Variants in SCMH1 observed in about 807,000 individuals in gnomAD.
SCMH1 encodes Scm polycomb group protein homolog 1, also known as polycomb protein SCMH1.
Under a neutral mutation model 70.8 loss-of-function variants are expected in SCMH1, and 37 were observed. That is an observed-to-expected ratio of 0.52 (90% CI 0.40 to 0.69). SCMH1 has a LOEUF of 0.69. Among genes scored for constraint, SCMH1 ranks in the 30% least tolerant of loss-of-function variants. SCMH1 has a pLI of 0.00. For synonymous variants in SCMH1, 292 were observed against 307.4 expected, an observed-to-expected ratio of 0.95 and a Z score of 0.52; for missense variants, 607 against 827.3, an observed-to-expected ratio of 0.73 and a Z score of 3.27.
chr1:41,091,622 A>G (rs1663541895), intron 8 of SCMH1, among the ~76,000 whole-genome samples: 1 of 152,222 alleles, frequency 6.6e-6, no homozygotes, highest in African/African-American at 2.4e-5. Context: ...ACATGATTGT[A>G]TATTTAGAAA....
intron 1 of SCMH1, among the ~76,000 whole-genome samples, chr1:41,193,291 C>A (rs1652178031): frequency 6.6e-6 from 1 of 152,178 alleles, no homozygotes; most frequent in Non-Finnish European, 1.5e-5. Context: ...TTATTTTATT[C>A]ATTAAACAAA....
chr1:41,028,614 A>G, exon 14 of SCMH1: 2 of 1,614,182 alleles, frequency 1.2e-6, no homozygotes, highest in South Asian at 1.1e-5. Context: ...CGTGGGGTCC[A>G]AGCTGAGGAT....
intron 6 of SCMH1, among the ~76,000 whole-genome samples, chr1:41,125,529 T>C (rs1419816901): frequency 6.6e-6 from 1 of 151,814 alleles, no homozygotes; most frequent in African/African-American, 2.4e-5. Context: ...ATTCCTTCTA[T>C]ATTTATTGGC....
intron 8 of SCMH1, chr1:41,099,217 A>C (rs577255842): frequency 6.3e-6 from 1 of 159,864 alleles, no homozygotes; most frequent in Non-Finnish European, 1.4e-5. Flanking sequence ...GAATAAAATC[A>C]AATCAGCAAC....
At chr1:41,106,118 G>T (rs1740613) in intron 8 of SCMH1, among the ~76,000 whole-genome samples, 1 of 151,714 alleles carries the variant, frequency 6.6e-6, no homozygotes, top group South Asian at 2.1e-4. Flanking sequence ...CAGGTGATCT[G>T]CCCGCCTCGG....
At chr1:41,142,129 A>C (rs553654269) in intron 6 of SCMH1, among the ~76,000 whole-genome samples, 3 of 152,250 alleles carry the variant, frequency 2.0e-5, no homozygotes, top group South Asian at 4.1e-4. Flanking sequence ...TTACATTACA[A>C]ATTTTTTTTT....
chr1:41,164,328 TACC>T (rs1221686574), intron 2 of SCMH1, among the ~76,000 whole-genome samples: 3 of 152,210 alleles, frequency 2.0e-5, no homozygotes, highest in East Asian at 3.9e-4. Context: ...CCAGAAATCA[TACC>T]ACATTTCTAC....
At chr1:41,175,020 C>T (rs148463290) in intron 2 of SCMH1, among the ~76,000 whole-genome samples, 74 of 152,184 alleles carry the variant, frequency 4.9e-4, no homozygotes, top group African/African-American at 1.5e-3. Flanking sequence ...ATACGGATGC[C>T]GAGTTGAAAA....
At chr1:41,084,375 A>G (rs1660946023) in intron 8 of SCMH1, among the ~76,000 whole-genome samples, 1 of 152,234 alleles carries the variant, frequency 6.6e-6, no homozygotes, top group South Asian at 2.1e-4. Flanking sequence ...TACATGAAAA[A>G]ATGCTCACCA....
chr1:41,160,749 G>A, intron 4 of SCMH1, 126 bp downstream of exon 4: 2 of 874,296 alleles, frequency 2.3e-6, no homozygotes, highest in Non-Finnish European at 3.7e-6. Context: ...CAAGAGCACA[G>A]GATTCACTGG....
chr1:41,155,040 T>G (rs1359965032), intron 4 of SCMH1, among the ~76,000 whole-genome samples: 3 of 152,216 alleles, frequency 2.0e-5, no homozygotes, highest in African/African-American at 7.2e-5. Context: ...GCTATCTTAG[T>G]AAAGTCATGG....
chr1:41,209,450 C>T (rs549504600), intron 1 of SCMH1, among the ~76,000 whole-genome samples: 12 of 152,310 alleles, frequency 7.9e-5, no homozygotes, highest in South Asian at 4.1e-4. Context: ...CGATGAACAT[C>T]GATGCAAAAA....
chr1:41,118,695 ATCAATGAATTG>A (rs1671147405), intron 6 of SCMH1, among the ~76,000 whole-genome samples: 1 of 152,264 alleles, frequency 6.6e-6, no homozygotes, highest in African/African-American at 2.4e-5. Flanking sequence ...ATTATCACCT[ATCAATGAATTG>A]TAAAAATAAG....
chr1:41,165,188 A>G (rs1646332071), intron 2 of SCMH1, among the ~76,000 whole-genome samples: 1 of 152,158 alleles, frequency 6.6e-6, no homozygotes, highest in Non-Finnish European at 1.5e-5. Context: ...CTCTAGGTTC[A>G]TCCACGTTGT....
intron 5 of SCMH1, among the ~76,000 whole-genome samples, chr1:41,146,779 C>A (rs12072530): frequency 0.012 from 1,871 of 152,188 alleles, 48 homozygotes; most frequent in African/African-American, 0.043. Flanking sequence ...CAGAGCATAT[C>A]CCTATCGTTA....
At chr1:41,119,021 G>T (rs998049789) in intron 6 of SCMH1, among the ~76,000 whole-genome samples, 3 of 152,186 alleles carry the variant, frequency 2.0e-5, no homozygotes, top group Admixed American at 6.5e-5. Flanking sequence ...TATAGATGAG[G>T]AAACAGGTAC....
intron 2 of SCMH1, among the ~76,000 whole-genome samples, chr1:41,169,858 T>A (rs992592588): frequency 6.6e-6 from 1 of 152,152 alleles, no homozygotes; most frequent in Admixed American, 6.5e-5. Flanking sequence ...CATAGGCCAA[T>A]CCCTTCTTCT....
chr1:41,212,017 G>C (rs180687052), intron 1 of SCMH1, among the ~76,000 whole-genome samples: 1 of 152,140 alleles, frequency 6.6e-6, no homozygotes, highest in African/African-American at 2.4e-5. Context: ...GGCCTGTTGC[G>C]GGGTAGGGAG....
In SCMH1 at chr1:41,050,353, A is replaced by T. The variant is rs77016954; in HGVS notation, c.1106-1463T>A. Among the ~76,000 whole-genome samples the T allele has an allele frequency of 4.2e-3, 647 of 152,288 alleles. 6 individuals carry two copies. The highest frequency in any genetic ancestry group is 0.015 in the African/African-American group (619 of 41,544). On this transcript the variant is annotated intron_variant, in intron 10 of 14. Transcript: ENST00000337495. ...GTAGAAGGGCAAAAGTCTCTTTGCT[A>T]TTAAAGGTAGAAAAGATAAGAGCAG...
Sources: allele counts gnomAD v4.1 joint callset (sites outside exome capture counted in the v4.1 genomes callset), GRCh38; gene constraint gnomAD v4.1.1; transcripts MANE v1.5; gene names NCBI Gene and HGNC (gene_info 2026-07-23, HGNC 2026-07-21).